The following COL25A1 variants were observed in gnomAD, a reference collection of about 807,000 sequenced individuals.
The protein encoded by COL25A1 is collagen type XXV alpha 1 chain.
Under a neutral mutation model 128.4 loss-of-function variants are expected in COL25A1, and 103 were observed. That is an observed-to-expected ratio of 0.80 (90% CI 0.68 to 0.94). The LOEUF (loss-of-function observed/expected upper bound fraction) is 0.94. Among genes scored for constraint, COL25A1 ranks in the 40% least tolerant of loss-of-function variants. COL25A1 has a pLI of 0.00. For missense variants in COL25A1, 745 were observed against 840.0 expected (o/e 0.89, Z 1.40); for synonymous variants, 279 against 277.2 (o/e 1.01, Z -0.06).
rs1730944736 is a variant in COL25A1 at position 108,813,199 on chromosome 4, CAT to C, written c.*726_*727del. 6.6e-6 allele frequency: 1 copy of C among 152,202 alleles called. No homozygotes were observed. 9.4% of individuals were successfully genotyped at this position (152,202 alleles called of 1,614,324 possible). Reference sequence around the variant, plus strand: ...CTTCGTATTTCAACCAAAGTGGCCACATGAGCCCACAATACTGGAAGCTGTAG... The same window carrying C: ...CTTCGTATTTCAACCAAAGTGGCCACGAGCCCACAATACTGGAAGCTGTAG... On this transcript the variant is annotated 3_prime_UTR_variant, in exon 38 of 38. Transcript: ENST00000399132.
At chr4:108,968,929 T>A (rs1751616852) in intron 8 of COL25A1, among the ~76,000 whole-genome samples, 1 of 152,154 alleles carries the variant, frequency 6.6e-6, no homozygotes, top group African/African-American at 2.4e-5. Context: ...ATCCCCTACA[T>A]CCAACTGGCT....
intron 5 of COL25A1, among the ~76,000 whole-genome samples, chr4:109,044,053 C>T (rs1400976201): frequency 1.3e-5 from 2 of 151,848 alleles, no homozygotes; most frequent in Non-Finnish European, 2.9e-5. Flanking sequence ...CAAAATTGCT[C>T]TGTTGCAGCC....
chr4:108,985,159 C>T (rs957691170), intron 6 of COL25A1, among the ~76,000 whole-genome samples: 2 of 152,184 alleles, frequency 1.3e-5, no homozygotes, highest in Non-Finnish European at 2.9e-5. Context: ...GCTTCTACAA[C>T]TACCACACTC....
intron 3 of COL25A1, among the ~76,000 whole-genome samples, chr4:109,140,145 G>A (rs545055514): frequency 6.6e-6 from 1 of 152,302 alleles, no homozygotes; most frequent in Admixed American, 6.5e-5. Context: ...GTGTGCATGT[G>A]TCTTTATAGC....
intron 15 of COL25A1, among the ~76,000 whole-genome samples, chr4:108,897,361 C>T (rs770272162): frequency 1.3e-5 from 2 of 152,218 alleles, no homozygotes; most frequent in African/African-American, 2.4e-5. Context: ...CCCTCACTGA[C>T]ATCTCTTTTC....
chr4:109,053,117 C>T (rs185511874), intron 3 of COL25A1, among the ~76,000 whole-genome samples: 11 of 152,176 alleles, frequency 7.2e-5, no homozygotes, highest in African/African-American at 2.6e-4. Flanking sequence ...AAAATTCATT[C>T]AATGAAGAAT....
intron 5 of COL25A1, among the ~76,000 whole-genome samples, chr4:109,046,031 GA>G (rs1760394538): frequency 6.6e-6 from 1 of 152,094 alleles, no homozygotes; most frequent in Non-Finnish European, 1.5e-5. Flanking sequence ...AATTCATAAG[GA>G]ATGGAATAAA....
In COL25A1 at chr4:108,844,469, C is replaced by T. The variant is rs750902114; in HGVS notation, c.1629+50G>A. 14 of 1,613,944 alleles carry T rather than the reference C, an allele frequency of 8.7e-6. 1 individual carries two copies. The South Asian group carries it at 1.3e-4, about 15-fold the overall frequency. ...AGGGATGTGTTCATGTTCTCTCTAGCAGCATGCTCATAAATAAGCAATTAC... is the reference window on the plus strand; with the variant it reads ...AGGGATGTGTTCATGTTCTCTCTAGTAGCATGCTCATAAATAAGCAATTAC... On this transcript the variant is annotated intron_variant, in intron 30 of 37. Transcript: ENST00000399132.
intron 14 of COL25A1, among the ~76,000 whole-genome samples, chr4:108,900,571 CAAAG>C (rs1365883883): frequency 6.6e-6 from 1 of 152,076 alleles, no homozygotes; most frequent in Non-Finnish European, 1.5e-5. Flanking sequence ...TTTTAAGAAA[CAAAG>C]AAGACTTGGA....
chr4:109,138,051 T>C (rs1056191767), intron 3 of COL25A1, among the ~76,000 whole-genome samples: 1 of 150,440 alleles, frequency 6.6e-6, no homozygotes, highest in African/African-American at 2.4e-5. Flanking sequence ...GTTTGCTACA[T>C]AGGTATACAC....
At chr4:109,206,535 T>C (rs1777012743) in intron 3 of COL25A1, among the ~76,000 whole-genome samples, 1 of 152,174 alleles carries the variant, frequency 6.6e-6, no homozygotes, top group Admixed American at 6.5e-5. Flanking sequence ...CAACAAACTT[T>C]TGGTACTGAA....
At chr4:108,986,799 T>C (rs928779152) in intron 6 of COL25A1, among the ~76,000 whole-genome samples, 3 of 152,210 alleles carry the variant, frequency 2.0e-5, no homozygotes, top group Non-Finnish European at 4.4e-5. Flanking sequence ...TTACTGGTAA[T>C]TTTATTAGGG....
intron 34 of COL25A1, among the ~76,000 whole-genome samples, chr4:108,824,896 TA>T (rs1048700259): frequency 5.9e-5 from 9 of 152,328 alleles, no homozygotes; most frequent in Admixed American, 2.6e-4. Flanking sequence ...ATTTTATGCA[TA>T]TTTTTCATAA....
At chr4:109,221,266 T>G (rs1778391835) in intron 3 of COL25A1, among the ~76,000 whole-genome samples, 1 of 152,142 alleles carries the variant, frequency 6.6e-6, no homozygotes, top group East Asian at 1.9e-4. Context: ...AAATTTTCAC[T>G]GAAAAATGAA....
Position 109,300,612 on chromosome 4 carries a change from T to C in COL25A1, c.338A>G (p.Glu113Gly). ...EHMAKIRIAREAPSECNCPAG... is the reference protein window; with the variant it reads ...EHMAKIRIARGAPSECNCPAG... ...TGGGCAGTTACATTCTGAAGGTGCT[T>C]CTCTTGCGATTCTTATTTTAGCCAT... is the stretch of plus-strand genomic sequence containing the variant. Residue 113 changes from glutamate to glycine, a missense_variant, in exon 3 of 38, where the codon GAA (glutamate) becomes GGA (glycine). This residue lies in a region of COL25A1 where 319 missense variants were observed against 324.9 expected (regional missense o/e 0.98). Transcript: ENST00000399132. 1.2e-6 allele frequency: 2 copies of C among 1,612,602 alleles called. No individual in the cohort carries two copies. Among genetic ancestry groups the C allele is most frequent in the Non-Finnish European group, 1.7e-6 (2 of 1,178,578 alleles).
intron 3 of COL25A1, among the ~76,000 whole-genome samples, chr4:109,056,800 G>C (rs984482287): frequency 6.6e-6 from 1 of 152,096 alleles, no homozygotes; most frequent in Admixed American, 6.6e-5. Flanking sequence ...GAAGAAAATG[G>C]GCTGGTTATT....
At chr4:109,264,436 A>G (rs1456064366) in intron 3 of COL25A1, among the ~76,000 whole-genome samples, 1 of 152,262 alleles carries the variant, frequency 6.6e-6, no homozygotes, top group African/African-American at 2.4e-5. Context: ...TGTTACCATC[A>G]GGCAAGGAAC....
intron 5 of COL25A1, among the ~76,000 whole-genome samples, chr4:109,021,602 A>G (rs905182730): frequency 2.6e-5 from 4 of 152,178 alleles, no homozygotes; most frequent in African/African-American, 9.7e-5. Context: ...ATTTTAAGGA[A>G]TAAGGGAAGA....
intron 12 of COL25A1, among the ~76,000 whole-genome samples, chr4:108,918,731 T>G (rs1007313167): frequency 3.3e-5 from 5 of 152,246 alleles, no homozygotes; most frequent in African/African-American, 1.2e-4. Context: ...TTAAGCCACA[T>G]GAATGTGAAT....
Sources: allele counts gnomAD v4.1 joint callset (sites outside exome capture counted in the v4.1 genomes callset), GRCh38; gene constraint gnomAD v4.1.1; regional missense constraint gnomAD v4.1.1; transcripts MANE v1.5; gene names NCBI Gene and HGNC (gene_info 2026-07-23, HGNC 2026-07-21).